RAD9A: variants seen among roughly 807,000 people sequenced by gnomAD.
The protein encoded by RAD9A is cell cycle checkpoint control protein RAD9A.
In RAD9A, 25 loss-of-function variants were observed where a neutral mutation model predicts 41.2. The observed-to-expected ratio is 0.61, with a 90% CI of 0.44 to 0.85. The LOEUF is 0.85. Among genes scored for constraint, RAD9A ranks in the 40% least tolerant of loss-of-function variants. The pLI, the probability that RAD9A is intolerant of heterozygous loss-of-function variation, is 0.00. For synonymous variants in RAD9A, 252 were observed against 210.6 expected (o/e 1.20, Z -1.70); for missense variants, 514 against 518.3 (o/e 0.99, Z 0.08).
At chr11:67,392,944 G>A (rs369976794) in intron 3 of RAD9A, 162 bp downstream of exon 3, 5 of 1,080,238 alleles carry the variant, frequency 4.6e-6, no homozygotes, top group African/African-American at 3.2e-5. Context: ...CATCACAGCG[G>A]GGACCTGAGA....
chr11:67,395,282 T>C (rs908885548), intron 5 of RAD9A: 2 of 162,648 alleles, frequency 1.2e-5, no homozygotes, highest in African/African-American at 4.8e-5. Flanking sequence ...CATGCTTCAG[T>C]TTTAGTGTAT....
At chr11:67,395,544 A>G in intron 5 of RAD9A, 172 bp from the exon 6 acceptor site, 1 of 600,318 alleles carries the variant, frequency 1.7e-6, no homozygotes, top group Non-Finnish European at 2.9e-6. Flanking sequence ...GCCAGGTTTG[A>G]GCAACCACTG....
chr11:67,392,135 ACCC>A, intron 1 of RAD9A, 23 bp from the exon 2 acceptor site: 1 of 1,606,642 alleles, frequency 6.2e-7, no homozygotes, highest in Non-Finnish European at 8.5e-7. Context: ...CGCCAGCCTA[ACCC>A]CCTTCCGCTC....
Position 67,396,194 on chromosome 11 carries a change from A to G in RAD9A, c.734+19A>G. On this transcript the variant is annotated intron_variant, in intron 8 of 10. Coordinates refer to ENST00000307980, the MANE Select transcript of RAD9A (RefSeq NM_004584.3). ...CAGGCAGGTAGTTCCCAGCCTTGGG[A>G]CAGGGAAGGGCTCTGGGATGGCAGG... 2 of 1,613,822 alleles carry G rather than the reference A, an allele frequency of 1.2e-6. No homozygotes were observed. The highest frequency in any genetic ancestry group is 1.7e-6 in the Non-Finnish European group (2 of 1,179,758).
At chr11:67,396,424 C>G (rs1190635120) in intron 9 of RAD9A, 24 bp downstream of exon 9, 1 of 1,611,574 alleles carries the variant, frequency 6.2e-7, no homozygotes, top group Non-Finnish European at 8.5e-7. Flanking sequence ...CCCCCAACTC[C>G]TCCTCTCTCC....
At chr11:67,394,924 T>A (rs1201938740) in intron 5 of RAD9A, among the ~76,000 whole-genome samples, 2 of 152,176 alleles carry the variant, frequency 1.3e-5, no homozygotes, top group South Asian at 2.1e-4. Context: ...TCTCTTTTTT[T>A]AAAAATGAGC....
rs1590933775 is a variant in RAD9A, at chr11:67,397,800, C to T, written c.*241C>T. 1.9e-6 allele frequency: 1 copy of T among 536,286 alleles called. No homozygotes were observed. The allele number at this position is 536,286 out of a possible 1,614,324, so 33.2% of individuals were successfully genotyped here. ...AGGACTTTCCAGACTTGGCCCTGAA[C>T]TACTGACGTTCCTACCTCTTATTTC... On this transcript the variant is annotated 3_prime_UTR_variant, in exon 11 of 11. Coordinates refer to ENST00000307980, the MANE Select transcript of RAD9A (RefSeq NM_004584.3).
chr11:67,393,095 C>T, intron 3 of RAD9A: 2 of 385,296 alleles, frequency 5.2e-6, no homozygotes, highest in South Asian at 3.1e-5. Context: ...GCCTGGCCAA[C>T]ATGGCGAAAC....
chr11:67,392,255 C>T (rs1462966212), intron 2 of RAD9A, 24 bp downstream of exon 2: 12 of 453,364 alleles, frequency 2.6e-5, no homozygotes, highest in East Asian at 1.0e-4. Flanking sequence ...GTGTGGGGGG[C>T]GGGTGGGACT....
At chr11:67,392,262 G>GGGGGTGGGGGGGGGGGGGGGGGGGGC in intron 2 of RAD9A, 31 bp downstream of exon 2, 2 of 600,778 alleles carry the variant, frequency 3.3e-6, no homozygotes, top group Non-Finnish European at 3.0e-6. Context: ...GGGCGGGTGG[G>GGGGGTGGGGGGGGGGGGGGGGGGGGC]ACTCCAGCCG....
In RAD9A at chr11:67,396,106, C is replaced by A; in HGVS notation, c.670-5C>A. On this transcript the variant is annotated splice_region_variant and splice_polypyrimidine_tract_variant and intron_variant, in intron 7 of 10. Coordinates refer to ENST00000307980, the MANE Select transcript of RAD9A (RefSeq NM_004584.3). ...GGGCCTCACCTGCTACCTCTTTCCT[C>A]CCAGGGGCTCCTGAGCTTTGCAGAG... 1 of 1,613,806 alleles carries A rather than the reference C, an allele frequency of 6.2e-7. No individual in the cohort carries two copies. The highest frequency in any genetic ancestry group is 2.2e-5 in the East Asian group (1 of 44,880).
chr11:67,395,338 A>G, intron 5 of RAD9A: 1 of 213,874 alleles, frequency 4.7e-6, no homozygotes, highest in Non-Finnish European at 9.2e-6. Context: ...TTTCAAATAT[A>G]TGTAAAAGCA....
Position 67,397,532 on chromosome 11 carries a change from G to C in RAD9A, c.1149G>C (p.Leu383=), listed in dbSNP as rs781709622. The part of the protein sequence containing the change: ...VRSPQGPSPV[L]AEDSEGEG ...CCCCCCAGGGCCCCAGCCCTGTGCT[G>C]GCGGAAGACAGTGAGGGTGAAGGCT... The change falls in exon 11 of 11, where the codon CTG becomes CTC. Residue 383 remains leucine (L), a synonymous_variant. Coordinates refer to ENST00000307980, the MANE Select transcript of RAD9A (RefSeq NM_004584.3). 1 of 1,610,392 alleles carries C rather than the reference G, an allele frequency of 6.2e-7. No homozygotes were observed. The highest frequency in any genetic ancestry group is 1.1e-5 in the South Asian group (1 of 90,960).
rs1862675094 is a variant in RAD9A at position 67,395,836 on chromosome 11, T to C, written c.559+11T>C. The C allele has an allele frequency of 1.9e-6, 3 of 1,613,320 alleles. No individual in the cohort carries two copies. On this transcript the variant is annotated intron_variant, in intron 6 of 10. Transcript: ENST00000307980. ...ACGAGGAGGAGGCAGGTGAGGGGGC[T>C]GGACGTGGCCTGGGACAGCAGAGTG...
intron 2 of RAD9A, 148 bp from the exon 3 acceptor site, chr11:67,392,506 G>A (rs767089877): frequency 1.7e-5 from 21 of 1,262,086 alleles, no homozygotes; most frequent in Non-Finnish European, 2.3e-5. Flanking sequence ...GGCCGACTCT[G>A]AAGGCTTCCA....
rs751105386 is a variant in RAD9A at position 67,393,797 on chromosome 11, A to T, written c.449+7A>T. 8.2e-6 allele frequency: 13 copies of T among 1,594,900 alleles called. No homozygotes were observed. The highest frequency in any genetic ancestry group is 1.1e-5 in the Non-Finnish European group (13 of 1,170,400). On this transcript the variant is annotated splice_region_variant and intron_variant, in intron 5 of 10. Coordinates refer to ENST00000307980, the MANE Select transcript of RAD9A (RefSeq NM_004584.3). ...TGCTCCGCGCCCCAGCACGGTGAGCACACCCCTGCCCTCAGCTCAGCCCCG... is the reference window on the plus strand; with the variant it reads ...TGCTCCGCGCCCCAGCACGGTGAGCTCACCCCTGCCCTCAGCTCAGCCCCG...
intron 5 of RAD9A, 102 bp from the exon 6 acceptor site, chr11:67,395,614 C>T: frequency 1.1e-6 from 1 of 875,642 alleles, no homozygotes; most frequent in Non-Finnish European, 1.8e-6. Context: ...TAGGCCTGCG[C>T]ACATCCGTGC....
Position 67,393,604 on chromosome 11 carries a change from A to C in RAD9A, c.343A>C (p.Lys115Gln). The change falls in exon 4 of 11, where the codon AAG becomes CAG. Residue 115 changes from lysine to glutamine, a missense_variant. Transcript: ENST00000307980. ...CCGCCTGGTGGTCCAGCTGCATTGCAAGTTCGGTGAGTGGGCAGCCGGCCA... is the reference window on the plus strand; with the variant it reads ...CCGCCTGGTGGTCCAGCTGCATTGCCAGTTCGGTGAGTGGGCAGCCGGCCA... ...SSRLVVQLHC[K>Q]FGVRKTHNLS... is the part of the protein sequence containing the mutation. 1 of 1,614,096 alleles carries C rather than the reference A, an allele frequency of 6.2e-7. No homozygotes were observed. The highest frequency in any genetic ancestry group is 1.1e-5 in the South Asian group (1 of 91,078).
rs1167800575 is a variant in RAD9A at position 67,397,915 on chromosome 11, TGCTGCTGGCCCCTGGTGATCCA to T, written c.*360_*381del. 3.9e-6 allele frequency: 1 copy of T among 259,070 alleles called. No homozygotes were observed. Among genetic ancestry groups the T allele is most frequent in the East Asian group, 9.8e-5 (1 of 10,200 alleles). 16.0% of individuals were successfully genotyped at this position (259,070 alleles called of 1,614,324 possible). Reference sequence around the variant, plus strand: ...TTCCTAAGGAAAATGTCATAGTAGGTGCTGCTGGCCCCTGGTGATCCAGCTTCTCTGCCAATCATGACCTGTT... The same window carrying T: ...TTCCTAAGGAAAATGTCATAGTAGGTGCTTCTCTGCCAATCATGACCTGTT... On this transcript the variant is annotated 3_prime_UTR_variant, in exon 11 of 11. Coordinates refer to ENST00000307980, the MANE Select transcript of RAD9A (RefSeq NM_004584.3).
Sources: allele counts gnomAD v4.1 joint callset (sites outside exome capture counted in the v4.1 genomes callset), GRCh38; gene constraint gnomAD v4.1.1; transcripts MANE v1.5; gene names NCBI Gene and HGNC (gene_info 2026-07-23, HGNC 2026-07-21).